TASP1: variants seen among roughly 807,000 people sequenced by gnomAD.
The protein encoded by TASP1 is taspase 1, also known as threonine aspartase 1.
In TASP1, 16 loss-of-function variants were observed where a neutral mutation model predicts 56.6. The observed-to-expected ratio is 0.28, with a 90% confidence interval of 0.19 to 0.43. The LOEUF (loss-of-function observed/expected upper bound fraction) is 0.43, where lower values mean the gene tolerates loss of function less well. Ranked by LOEUF, TASP1 falls within the 20% of genes least tolerant of loss-of-function variation. The probability of loss-of-function intolerance (pLI) is 1.00; values close to 1 mark genes in which losing one functional copy is unlikely to be tolerated. For missense variants in TASP1, 393 were observed against 511.6 expected (o/e 0.77, Z 2.24); for synonymous variants, 179 against 184.2 (o/e 0.97, Z 0.23).
the TASP1 span, among the ~76,000 whole-genome samples, chr20:13,192,566 A>G: frequency 1.3e-5 from 2 of 151,974 alleles, no homozygotes; most frequent in African/African-American, 4.8e-5. Flanking sequence ...ACAGGCACAC[A>G]TGACACACAA....
At chr20:13,397,600 C>G (rs540103258) in intron 13 of TASP1, among the ~76,000 whole-genome samples, 1 of 152,240 alleles carries the variant, frequency 6.6e-6, no homozygotes, top group Admixed American at 6.5e-5. Flanking sequence ...ATGCCTTTAA[C>G]TGCAGGAGGT....
chr20:13,625,779 C>G (rs1282445487), intron 2 of TASP1, among the ~76,000 whole-genome samples: 6 of 152,208 alleles, frequency 3.9e-5, no homozygotes, highest in Non-Finnish European at 5.9e-5. Context: ...CCTAAACAAA[C>G]ACTTCACATC....
intron 4 of TASP1, among the ~76,000 whole-genome samples, chr20:13,595,576 C>T (rs2047697763): frequency 2.0e-5 from 3 of 152,104 alleles, no homozygotes; most frequent in Non-Finnish European, 4.4e-5. Flanking sequence ...GGTTGCAATC[C>T]TAGTCTCTGA....
chr20:13,616,991 G>A (rs1360419068), intron 4 of TASP1: 5 of 450,576 alleles, frequency 1.1e-5, no homozygotes, highest in Non-Finnish European at 2.2e-5. Context: ...TCTGCGTACA[G>A]CTCTTCAGGA....
chr20:13,459,796 C>T (rs966355582), intron 11 of TASP1, among the ~76,000 whole-genome samples: 9 of 152,076 alleles, frequency 5.9e-5, no homozygotes, highest in Non-Finnish European at 1.0e-4. Flanking sequence ...GCTCATGCTC[C>T]TCCAAGGTCA....
intron 13 of TASP1, among the ~76,000 whole-genome samples, chr20:13,402,294 A>G (rs886881484): frequency 2.0e-5 from 3 of 152,230 alleles, no homozygotes; most frequent in Non-Finnish European, 2.9e-5. Context: ...ACTGTTAGAA[A>G]TTAACTTGAG....
chr20:13,117,688 G>C, the TASP1 span: 4 of 1,613,554 alleles, frequency 2.5e-6, no homozygotes, highest in East Asian at 8.9e-5. Context: ...TTCACCAAAA[G>C]TTTTGGAGCT....
At chr20:13,515,566 A>T (rs2044493997) in intron 10 of TASP1, among the ~76,000 whole-genome samples, 1 of 151,794 alleles carries the variant, frequency 6.6e-6, no homozygotes, top group African/African-American at 2.4e-5. Context: ...AAAAAAAAAA[A>T]AAAAACTTGA....
the TASP1 span, chr20:13,154,236 G>A: frequency 1.8e-4 from 266 of 1,481,852 alleles, no homozygotes; most frequent in Non-Finnish European, 2.4e-4. Flanking sequence ...GGAATGGGGT[G>A]AGTGAGTTCA....
At chr20:13,618,026 G>C (rs2048581657) in intron 4 of TASP1, among the ~76,000 whole-genome samples, 1 of 152,012 alleles carries the variant, frequency 6.6e-6, no homozygotes, top group African/African-American at 2.4e-5. Context: ...TCCTGCAGCT[G>C]CACAAGAGGC....
chr20:13,212,656 T>C, the TASP1 span, among the ~76,000 whole-genome samples: 1 of 152,192 alleles, frequency 6.6e-6, no homozygotes, highest in Admixed American at 6.5e-5. Context: ...TTATCACTTA[T>C]TATGGATAAA....
At chr20:13,360,514 A>G in the TASP1 span, among the ~76,000 whole-genome samples, 21 of 152,164 alleles carry the variant, frequency 1.4e-4, no homozygotes, top group African/African-American at 4.1e-4. Flanking sequence ...GAATTCTTAC[A>G]CAAGAGCCAG....
At chr20:13,470,013 T>A (rs1053146839) in intron 11 of TASP1, among the ~76,000 whole-genome samples, 1 of 151,826 alleles carries the variant, frequency 6.6e-6, no homozygotes, top group Non-Finnish European at 1.5e-5. Flanking sequence ...TTTCCCATGT[T>A]GGCCAGGCTG....
At chr20:13,616,083 A>C (rs568940890) in intron 4 of TASP1, among the ~76,000 whole-genome samples, 2 of 152,238 alleles carry the variant, frequency 1.3e-5, no homozygotes, top group East Asian at 3.9e-4. Context: ...ACACATACAC[A>C]CACACACACA....
At chr20:13,520,629 G>A (rs2044712509) in intron 10 of TASP1, among the ~76,000 whole-genome samples, 1 of 152,068 alleles carries the variant, frequency 6.6e-6, no homozygotes, top group Non-Finnish European at 1.5e-5. Flanking sequence ...AATTCAAGAT[G>A]GATCAAAGAC....
chr20:13,184,387 A>T, the TASP1 span, among the ~76,000 whole-genome samples: 2 of 152,208 alleles, frequency 1.3e-5, no homozygotes, highest in African/African-American at 4.8e-5. Context: ...AATATTGCTT[A>T]TCAGTAGTAT....
chr20:13,332,648 C>T, the TASP1 span, among the ~76,000 whole-genome samples: 361 of 152,262 alleles, frequency 2.4e-3, 1 homozygote, highest in African/African-American at 8.0e-3. Context: ...TACCAACATT[C>T]CCTAACTGGG....
At chr20:13,274,010 A>G in the TASP1 span, among the ~76,000 whole-genome samples, 2 of 152,126 alleles carry the variant, frequency 1.3e-5, no homozygotes, top group African/African-American at 4.8e-5. Context: ...CAAAGAAAGA[A>G]TAAAACAACT....
At chr20:13,274,552 C>T in the TASP1 span, among the ~76,000 whole-genome samples, 1 of 152,214 alleles carries the variant, frequency 6.6e-6, no homozygotes, top group African/African-American at 2.4e-5. Context: ...CCTCCCCACC[C>T]CTTCAGGCTC....
Sources: allele counts gnomAD v4.1 joint callset (sites outside exome capture counted in the v4.1 genomes callset), GRCh38; gene constraint gnomAD v4.1.1; transcripts MANE v1.5; gene names NCBI Gene and HGNC (gene_info 2026-07-23, HGNC 2026-07-21).